SUPT3H: variants seen among roughly 807,000 people sequenced by gnomAD.
SUPT3H encodes the protein SPT3 homolog, SAGA and STAGA complex component.
SUPT3H carries 44 observed loss-of-function variants against 44.3 expected under a neutral mutation model. That is an observed-to-expected ratio of 0.99 (90% CI 0.78 to 1.28). The LOEUF is 1.28. Among genes scored for constraint, SUPT3H ranks in the 50% most tolerant of loss-of-function variants. The probability of loss-of-function intolerance (pLI) is 0.00; values close to 1 mark genes in which losing one functional copy is unlikely to be tolerated. For missense variants in SUPT3H, 380 were observed against 387.1 expected, an observed-to-expected ratio of 0.98 and a Z score of 0.15; for synonymous variants, 124 against 125.6, an observed-to-expected ratio of 0.99 and a Z score of 0.09.
chr6:45,233,880 T>G (rs1015216449), intron 2 of SUPT3H, among the ~76,000 whole-genome samples: 2 of 152,184 alleles, frequency 1.3e-5, no homozygotes, highest in Non-Finnish European at 2.9e-5. Context: ...TAGAACAGTA[T>G]GACTAAAACT....
At chr6:45,015,596 T>C (rs909627640) in intron 4 of SUPT3H, among the ~76,000 whole-genome samples, 7 of 152,136 alleles carry the variant, frequency 4.6e-5, no homozygotes, top group Non-Finnish European at 8.8e-5. Flanking sequence ...GCTTACTTAC[T>C]GTAACTATTT....
intron 2 of SUPT3H, among the ~76,000 whole-genome samples, chr6:45,265,178 G>T (rs1451150758): frequency 6.6e-6 from 1 of 151,944 alleles, no homozygotes; most frequent in Admixed American, 6.6e-5. Context: ...CCTCTCAATA[G>T]GACACCTAAT....
chr6:45,340,867 A>C (rs1328176553), intron 2 of SUPT3H, among the ~76,000 whole-genome samples: 2 of 152,138 alleles, frequency 1.3e-5, no homozygotes, highest in East Asian at 3.9e-4. Flanking sequence ...ATCTGGAATC[A>C]AATCCTACTT....
At chr6:45,239,760 A>G (rs759715015) in intron 2 of SUPT3H, among the ~76,000 whole-genome samples, 1 of 152,220 alleles carries the variant, frequency 6.6e-6, no homozygotes, top group African/African-American at 2.4e-5. Flanking sequence ...ATTTTTCTCT[A>G]TACGGAATAT....
At chr6:45,240,498 T>C (rs1376749286) in intron 2 of SUPT3H, among the ~76,000 whole-genome samples, 1 of 152,234 alleles carries the variant, frequency 6.6e-6, no homozygotes, top group East Asian at 1.9e-4. Flanking sequence ...GCTCCTATAA[T>C]TAGGCGTACC....
intron 7 of SUPT3H, among the ~76,000 whole-genome samples, chr6:44,959,665 A>G (rs897748974): frequency 6.6e-6 from 1 of 152,146 alleles, no homozygotes; most frequent in Non-Finnish European, 1.5e-5. Flanking sequence ...TCTCTGACTT[A>G]TATACATATG....
chr6:44,965,362 T>C (rs1422392981), intron 6 of SUPT3H, among the ~76,000 whole-genome samples: 1 of 152,242 alleles, frequency 6.6e-6, no homozygotes, highest in Non-Finnish European at 1.5e-5. Context: ...TATCATTTTC[T>C]ATGTGTGCCA....
intron 11 of SUPT3H, among the ~76,000 whole-genome samples, chr6:44,817,760 T>C (rs1767006930): frequency 6.6e-6 from 1 of 152,124 alleles, no homozygotes; most frequent in South Asian, 2.1e-4. Context: ...GAAATATCCA[T>C]GCACGAACCT....
At chr6:44,968,763 T>A (rs966258348) in intron 6 of SUPT3H, among the ~76,000 whole-genome samples, 2 of 152,104 alleles carry the variant, frequency 1.3e-5, no homozygotes, top group South Asian at 2.1e-4. Flanking sequence ...CTGTCCTGTG[T>A]CCCCACATCA....
rs1800551131 is a variant in SUPT3H at position 45,114,497 on chromosome 6, G to A, written c.102-8491C>T. On this transcript the variant is annotated intron_variant, in intron 2 of 10. Coordinates refer to ENST00000371459, the MANE Select transcript of SUPT3H (RefSeq NM_003599.4). ...TTAAATAGAAAAAATATATAAATCA[G>A]AAAATTTTTTTAAAAATCAAGATTT... Among the ~76,000 whole-genome samples the A allele has an allele frequency of 2.0e-5, 3 of 151,856 alleles. No individual in the cohort carries two copies. In the South Asian group the frequency reaches 6.2e-4, roughly 31 times the overall value.
chr6:45,186,532 A>T (rs1814243132), intron 2 of SUPT3H, among the ~76,000 whole-genome samples: 2 of 152,340 alleles, frequency 1.3e-5, no homozygotes, highest in Admixed American at 1.3e-4. Context: ...GTTAGAGTGG[A>T]GATGACAGAC....
intron 10 of SUPT3H, among the ~76,000 whole-genome samples, chr6:44,886,921 A>G (rs1695240268): frequency 1.3e-5 from 2 of 152,210 alleles, no homozygotes; most frequent in South Asian, 4.1e-4. Context: ...GGATGGAGGA[A>G]GATCTACCAA....
chr6:45,164,184 A>T (rs569276254), intron 2 of SUPT3H, among the ~76,000 whole-genome samples: 1 of 152,168 alleles, frequency 6.6e-6, no homozygotes, highest in Non-Finnish European at 1.5e-5. Flanking sequence ...CTCCAGCTCT[A>T]GAACCAGCTG....
chr6:45,289,092 A>C (rs72858592), intron 2 of SUPT3H, among the ~76,000 whole-genome samples: 2,015 of 152,186 alleles, frequency 0.013, 24 homozygotes, highest in Non-Finnish European at 0.021. Context: ...GGTTCTTTCT[A>C]ATGTGTTTTT....
intron 6 of SUPT3H, among the ~76,000 whole-genome samples, chr6:44,969,039 T>C (rs1291867535): frequency 6.6e-6 from 1 of 152,190 alleles, no homozygotes; most frequent in African/African-American, 2.4e-5. Context: ...TCATTCCCTT[T>C]CTTCAAGGTC....
At chr6:45,035,971 C>T (rs990576230) in intron 3 of SUPT3H, among the ~76,000 whole-genome samples, 6 of 151,624 alleles carry the variant, frequency 4.0e-5, no homozygotes, top group Non-Finnish European at 7.4e-5. Flanking sequence ...ATGAAAAAAT[C>T]GGATTTTTCA....
intron 10 of SUPT3H, among the ~76,000 whole-genome samples, chr6:44,888,183 G>A (rs1276130651): frequency 6.6e-6 from 1 of 152,124 alleles, no homozygotes; most frequent in Non-Finnish European, 1.5e-5. Flanking sequence ...TTCTATCAGA[G>A]GTACAAGGAG....
intron 10 of SUPT3H, among the ~76,000 whole-genome samples, chr6:44,866,810 CATT>C (rs58585494): frequency 0.33 from 50,875 of 151,912 alleles, 9,420 homozygotes; most frequent in Admixed American, 0.41. Context: ...GCTGGTAAAA[CATT>C]AGCTTGCAGT....
At chr6:45,096,019 C>A (rs1217103491) in intron 3 of SUPT3H, among the ~76,000 whole-genome samples, 2 of 151,996 alleles carry the variant, frequency 1.3e-5, no homozygotes, top group Non-Finnish European at 2.9e-5. Flanking sequence ...TACTAGTAAC[C>A]TAGAGAAGGG....
Sources: allele counts gnomAD v4.1 joint callset (sites outside exome capture counted in the v4.1 genomes callset), GRCh38; gene constraint gnomAD v4.1.1; transcripts MANE v1.5; gene names NCBI Gene and HGNC (gene_info 2026-07-23, HGNC 2026-07-21).